CERT1: variants seen among roughly 807,000 people sequenced by gnomAD.
CERT1 encodes ceramide transfer protein.
A neutral mutation model predicts 87.9 loss-of-function variants in CERT1; 31 were observed. The observed-to-expected ratio is 0.35, with a 90% confidence interval of 0.27 to 0.48. The LOEUF (loss-of-function observed/expected upper bound fraction) is 0.48, where lower values mean the gene tolerates loss of function less well. Ranked by LOEUF, CERT1 falls within the 20% of genes least tolerant of loss-of-function variation. CERT1 has a pLI of 0.99. For missense variants in CERT1, 487 were observed against 758.0 expected, an observed-to-expected ratio of 0.64 and a Z score of 4.20; for synonymous variants, 289 against 250.9, an observed-to-expected ratio of 1.15 and a Z score of -1.44.
intron 8 of CERT1, among the ~76,000 whole-genome samples, chr5:75,409,749 G>C (rs986363632): frequency 2.0e-5 from 3 of 151,342 alleles, no homozygotes; most frequent in Non-Finnish European, 4.4e-5. Flanking sequence ...GGCTGGTCTC[G>C]AGCTCTTGAC....
chr5:75,386,115 C>T lies in CERT1; in HGVS notation c.1285-81G>A, dbSNP rs148385896. On this transcript the variant is annotated intron_variant, in intron 12 of 16. Coordinates refer to ENST00000643780, the MANE Select transcript of CERT1 (RefSeq NM_001379029.1). ...GCAGGAAAGCATGCTTTTAATACAGCTGCTCTTTAGATTTTTATGAAAGTC... is the reference window on the plus strand; with the variant it reads ...GCAGGAAAGCATGCTTTTAATACAGTTGCTCTTTAGATTTTTATGAAAGTC... The T allele has an allele frequency of 7.5e-4, 819 of 1,092,122 alleles. 7 individuals carry two copies. The East Asian group carries it at 0.019, about 26-fold the overall frequency. The allele number at this position is 1,092,122 out of a possible 1,614,324, so 67.7% of individuals were successfully genotyped here.
At chr5:75,383,190 C>T (rs574439060) in intron 14 of CERT1, among the ~76,000 whole-genome samples, 66 of 152,110 alleles carry the variant, frequency 4.3e-4, no homozygotes, top group African/African-American at 1.5e-3. Flanking sequence ...GGTATAGTTA[C>T]ATACACTGCG....
chr5:75,435,144 CTT>C (rs959580328), intron 3 of CERT1, among the ~76,000 whole-genome samples: 10 of 152,176 alleles, frequency 6.6e-5, no homozygotes, highest in Non-Finnish European at 1.0e-4. Context: ...AATTCTATCT[CTT>C]TTATTTCTGT....
At chr5:75,476,797 T>C (rs1283959339) in intron 2 of CERT1, among the ~76,000 whole-genome samples, 1 of 152,200 alleles carries the variant, frequency 6.6e-6, no homozygotes, top group Non-Finnish European at 1.5e-5. Flanking sequence ...TTCTTTTCCA[T>C]GCATAATGCC....
rs376587986 is a variant in CERT1, at chr5:75,379,323, A to G, written c.*23T>C. 3 of 1,574,472 alleles carry G rather than the reference A, an allele frequency of 1.9e-6. No individual in the cohort carries two copies. In the African/African-American group the frequency reaches 4.1e-5, roughly 22 times the overall value. The stretch of plus-strand genomic sequence containing the variant: ...AAATAAAGTTAAAAAAAGATAAAAC[A>G]TATCTTCTAGTACCTGTTAATACTA... On this transcript the variant is annotated 3_prime_UTR_variant, in exon 17 of 17. Coordinates refer to ENST00000643780, the MANE Select transcript of CERT1 (RefSeq NM_001379029.1).
chr5:75,485,312 C>CAA (rs757349878), intron 2 of CERT1, among the ~76,000 whole-genome samples: 7,543 of 46,400 alleles, frequency 0.16, 602 homozygotes, highest in South Asian at 0.23. Context: ...CACAAAAATA[C>CAA]AAAAAAAAAA....
Position 75,426,872 on chromosome 5 carries a change from C to T in CERT1, c.349-394G>A, listed in dbSNP as rs1235445170. On this transcript the variant is annotated intron_variant, in intron 3 of 16. Transcript: ENST00000643780. ...AAGATGGATGATGGTGACGGTTGAA[C>T]AATAGTGTGAATGTACTTAATACCA... 2.0e-5 allele frequency among the ~76,000 whole-genome samples: 3 copies of T among 152,164 alleles called. No individual in the cohort carries two copies. The East Asian group carries it at 5.8e-4, about 29-fold the overall frequency.
downstream of CERT1, chr5:75,374,899 T>G: frequency 2.7e-6 from 1 of 374,140 alleles, no homozygotes. Context: ...TGAGTGTATC[T>G]GTGCCACCTA....
chr5:75,446,052 T>A (rs148887723), intron 3 of CERT1, among the ~76,000 whole-genome samples: 48 of 152,354 alleles, frequency 3.2e-4, no homozygotes, highest in African/African-American at 1.1e-3. Context: ...TTCATGTCTT[T>A]CATCAAATTT....
At chr5:75,384,897 G>A (rs926482673) in intron 13 of CERT1, among the ~76,000 whole-genome samples, 185 bp from the exon 14 acceptor site, 1 of 152,072 alleles carries the variant, frequency 6.6e-6, no homozygotes, top group African/African-American at 2.4e-5. Context: ...AGGGATGTGA[G>A]GTCTGATCAC....
chr5:75,377,817 A>C lies in CERT1; in HGVS notation c.*1529T>G, dbSNP rs921802971. 2 of 152,176 alleles carry C rather than the reference A, an allele frequency of 1.3e-5. No individual in the cohort carries two copies. Among genetic ancestry groups the C allele is most frequent in the Non-Finnish European group, 2.9e-5 (2 of 68,022 alleles). 9.4% of individuals were successfully genotyped at this position (152,176 alleles called of 1,614,324 possible). Reference sequence around the variant, plus strand: ...TGACTTTATTTATTTATTTTTTGACAGACATTACCTGTCCAGGCTGGAGTG... The same window carrying C: ...TGACTTTATTTATTTATTTTTTGACCGACATTACCTGTCCAGGCTGGAGTG... On this transcript the variant is annotated 3_prime_UTR_variant, in exon 17 of 17. Coordinates refer to ENST00000643780, the MANE Select transcript of CERT1 (RefSeq NM_001379029.1).
In CERT1 at chr5:75,511,315, C is replaced by T. The variant is rs767483979; in HGVS notation, c.-108G>A. 5 of 1,549,944 alleles carry T rather than the reference C, an allele frequency of 3.2e-6. No homozygotes were observed. Among genetic ancestry groups the T allele is most frequent in the Non-Finnish European group, 4.4e-6 (5 of 1,147,172 alleles). Reference sequence around the variant, plus strand: ...TCGGGGGATGGCGAAGCGAAGAGTGCCCGCTCCGGTGTGGGGGGGAGCAGG... The same window carrying T: ...TCGGGGGATGGCGAAGCGAAGAGTGTCCGCTCCGGTGTGGGGGGGAGCAGG... On this transcript the variant is annotated 5_prime_UTR_variant, in exon 1 of 17. Coordinates refer to ENST00000643780, the MANE Select transcript of CERT1 (RefSeq NM_001379029.1).
chr5:75,489,396 T>C (rs1766670926), intron 2 of CERT1, among the ~76,000 whole-genome samples: 1 of 152,056 alleles, frequency 6.6e-6, no homozygotes, highest in African/African-American at 2.4e-5. Flanking sequence ...AATTGACAAA[T>C]GGGATCTAAT....
At chr5:75,490,584 C>T (rs1365221462) in intron 2 of CERT1, among the ~76,000 whole-genome samples, 11 of 151,942 alleles carry the variant, frequency 7.2e-5, no homozygotes, top group African/African-American at 9.7e-5. Context: ...CTGCAAGCTC[C>T]GCCTCCTGGG....
chr5:75,402,480 A>G (rs1298453147), intron 9 of CERT1: 1 of 152,204 alleles, frequency 6.6e-6, no homozygotes, highest in Non-Finnish European at 1.5e-5. Flanking sequence ...GGAAATTCAC[A>G]TATAAAGGAA....
In CERT1 at chr5:75,483,096, G is replaced by A. The variant is rs576099697; in HGVS notation, c.231+22886C>T. ...CAGAGAAATGTGCCCTTTAAGATACGGTATTCAAAATAGCTATTTTGAGTT... is the reference window on the plus strand; with the variant it reads ...CAGAGAAATGTGCCCTTTAAGATACAGTATTCAAAATAGCTATTTTGAGTT... On this transcript the variant is annotated intron_variant, in intron 2 of 16. Coordinates refer to ENST00000643780, the MANE Select transcript of CERT1 (RefSeq NM_001379029.1). Among the ~76,000 whole-genome samples, 23 of 152,136 alleles carry A rather than the reference G, an allele frequency of 1.5e-4. No homozygotes were observed. In the South Asian group the frequency reaches 3.9e-3, roughly 26 times the overall value.
intron 2 of CERT1, among the ~76,000 whole-genome samples, chr5:75,475,220 C>T (rs1211015525): frequency 6.6e-6 from 1 of 152,134 alleles, no homozygotes; most frequent in African/African-American, 2.4e-5. Context: ...TAGCAAGGAA[C>T]AAATGCCATG....
chr5:75,385,396 T>C (rs1254522600), intron 13 of CERT1, among the ~76,000 whole-genome samples: 3 of 152,134 alleles, frequency 2.0e-5, no homozygotes, highest in African/African-American at 7.2e-5. Flanking sequence ...TCACTTGAAC[T>C]GGGGAGGTAA....
chr5:75,492,821 A>G (rs1766861349), intron 2 of CERT1, among the ~76,000 whole-genome samples: 1 of 152,228 alleles, frequency 6.6e-6, no homozygotes, highest in African/African-American at 2.4e-5. Flanking sequence ...AGTCATGTCC[A>G]TTCTTTACTT....
Sources: allele counts gnomAD v4.1 joint callset (sites outside exome capture counted in the v4.1 genomes callset), GRCh38; gene constraint gnomAD v4.1.1; transcripts MANE v1.5; gene names NCBI Gene and HGNC (gene_info 2026-07-23, HGNC 2026-07-21).